LASP1: variants seen among roughly 807,000 people sequenced by gnomAD.
The protein encoded by LASP1 is LIM and SH3 protein 1, also known as LIM and SH3 domain protein 1.
In LASP1, 10 loss-of-function variants were observed where a neutral mutation model predicts 38.6. The ratio of observed to expected loss-of-function variants is 0.26; its 90% CI spans 0.16 to 0.44. LASP1 has a LOEUF of 0.44. Ranked by LOEUF, LASP1 falls within the 20% of genes least tolerant of loss-of-function variation. The probability of loss-of-function intolerance (pLI) is 1.00; values close to 1 mark genes in which losing one functional copy is unlikely to be tolerated. For synonymous variants in LASP1, 132 were observed against 140.8 expected (o/e 0.94, Z 0.44); for missense variants, 243 against 375.7 (o/e 0.65, Z 2.92).
At chr17:38,901,966 G>A (rs1222373286) in intron 4 of LASP1, among the ~76,000 whole-genome samples, 2 of 151,958 alleles carry the variant, frequency 1.3e-5, no homozygotes, top group Admixed American at 6.6e-5. Flanking sequence ...ATGGGGTTTC[G>A]CCGTGTTAGC....
At chr17:38,874,355 G>A (rs1913697335) in intron 1 of LASP1, among the ~76,000 whole-genome samples, 1 of 152,208 alleles carries the variant, frequency 6.6e-6, no homozygotes, top group Non-Finnish European at 1.5e-5. Context: ...TTCCCTGACA[G>A]TGTCCTTCCC....
chr17:38,894,186 A>C (rs1914422917), intron 3 of LASP1, among the ~76,000 whole-genome samples: 1 of 151,798 alleles, frequency 6.6e-6, no homozygotes, highest in South Asian at 2.1e-4. Flanking sequence ...TCCCACCCCC[A>C]GGCTGAGCAG....
intron 1 of LASP1, among the ~76,000 whole-genome samples, chr17:38,872,876 C>T (rs1913651773): frequency 6.6e-6 from 1 of 152,178 alleles, no homozygotes; most frequent in Non-Finnish European, 1.5e-5. Context: ...CACCCTGCCC[C>T]CAACCTGCAG....
chr17:38,915,036 C>G lies in LASP1; in HGVS notation c.509-7C>G, dbSNP rs758437366. On this transcript the variant is annotated splice_region_variant and splice_polypyrimidine_tract_variant and intron_variant, in intron 5 of 6. Transcript: ENST00000318008. Reference sequence around the variant, plus strand: ...GTTTCCAAGCCCTGTCTCCTCCCATCTTCCAGTTTACCAGCAGCCCCAGCA... The same window carrying G: ...GTTTCCAAGCCCTGTCTCCTCCCATGTTCCAGTTTACCAGCAGCCCCAGCA... The G allele has an allele frequency of 1.9e-6, 3 of 1,613,660 alleles. No individual in the cohort carries two copies. In the South Asian group the frequency reaches 3.3e-5, roughly 18 times the overall value.
chr17:38,918,567 G>A lies in LASP1; in HGVS notation c.613-38G>A. The A allele has an allele frequency of 1.3e-6, 2 of 1,535,934 alleles. No individual in the cohort carries two copies. The highest frequency in any genetic ancestry group is 1.8e-6 in the Non-Finnish European group (2 of 1,136,394). On this transcript the variant is annotated intron_variant, in intron 6 of 6. Transcript: ENST00000318008. This position sits in a 1 kb window ranked among gnomAD's most constrained non-coding sequence, Gnocchi z 4.4. ...AAAATGCTCAGACCCAGGTGAGCCGGCATGCAGGGCCCTAGGCTGACCACA... is the reference window on the plus strand; with the variant it reads ...AAAATGCTCAGACCCAGGTGAGCCGACATGCAGGGCCCTAGGCTGACCACA...
At chr17:38,904,898 T>C (rs1436130597) in intron 4 of LASP1, among the ~76,000 whole-genome samples, 1 of 152,238 alleles carries the variant, frequency 6.6e-6, no homozygotes, top group African/African-American at 2.4e-5. Flanking sequence ...GACAATCCTC[T>C]AGTTTGATTT....
At chr17:38,876,158 G>A (rs896215396) in intron 1 of LASP1, among the ~76,000 whole-genome samples, 16 of 150,940 alleles carry the variant, frequency 1.1e-4, no homozygotes, top group Admixed American at 8.6e-4. Context: ...GCCACGTGGA[G>A]CCTGTTAGAT....
intron 1 of LASP1, among the ~76,000 whole-genome samples, chr17:38,872,666 T>A (rs1913644858): frequency 6.6e-6 from 1 of 152,122 alleles, no homozygotes; most frequent in Non-Finnish European, 1.5e-5. Flanking sequence ...GTCCCATAGT[T>A]GCTAACCAAC....
At chr17:38,875,400 G>A (rs1913741106) in intron 1 of LASP1, among the ~76,000 whole-genome samples, 1 of 152,062 alleles carries the variant, frequency 6.6e-6, no homozygotes, top group East Asian at 1.9e-4. Context: ...GGACCAGTCT[G>A]TCTTAGTGTC....
chr17:38,872,226 A>G (rs1047395962), intron 1 of LASP1, among the ~76,000 whole-genome samples: 5 of 152,108 alleles, frequency 3.3e-5, no homozygotes, highest in African/African-American at 4.8e-5. Context: ...AAAGTCCCTG[A>G]GTGCTAAAGA....
At chr17:38,892,474 G>C (rs937167601) in intron 3 of LASP1, among the ~76,000 whole-genome samples, 1 of 152,310 alleles carries the variant, frequency 6.6e-6, no homozygotes, top group African/African-American at 2.4e-5. Context: ...CTGTGGAAGG[G>C]CCATGGGGGC....
At chr17:38,883,739 C>CTTTT (rs60761350) in intron 2 of LASP1, among the ~76,000 whole-genome samples, 6 of 128,338 alleles carry the variant, frequency 4.7e-5, no homozygotes, top group East Asian at 2.2e-4. Context: ...CAGGGGCAGG[C>CTTTT]TTTTTTTTTT....
At chr17:38,897,159 C>T in intron 3 of LASP1, 1 of 855,642 alleles carries the variant, frequency 1.2e-6, no homozygotes, top group Non-Finnish European at 1.4e-6. Context: ...CCAAGCCCTT[C>T]TTGTCTGGAT....
At chr17:38,907,175 T>C (rs1914797222) in intron 4 of LASP1, among the ~76,000 whole-genome samples, 3 of 152,270 alleles carry the variant, frequency 2.0e-5, no homozygotes, top group African/African-American at 7.2e-5. Flanking sequence ...GAGAGGAAGC[T>C]GAGGGTTTGG....
At chr17:38,885,712 G>A (rs1914103272) in intron 2 of LASP1, among the ~76,000 whole-genome samples, 1 of 152,234 alleles carries the variant, frequency 6.6e-6, no homozygotes, top group Non-Finnish European at 1.5e-5. Flanking sequence ...CACCAGCTGG[G>A]ACGGGTGGCC....
At chr17:38,870,624 C>G (rs1208067165) in intron 1 of LASP1, among the ~76,000 whole-genome samples, 1 of 152,016 alleles carries the variant, frequency 6.6e-6, no homozygotes, top group Admixed American at 6.5e-5. Context: ...CGCTCCCTCT[C>G]CGCTCTGCGC....
intron 4 of LASP1, among the ~76,000 whole-genome samples, chr17:38,902,275 G>T (rs1214105064): frequency 1.3e-5 from 2 of 150,818 alleles, no homozygotes; most frequent in African/African-American, 2.4e-5. Context: ...TGCCCAGGCT[G>T]GTCTCAAACT....
chr17:38,887,288 G>A (rs1180636261), intron 2 of LASP1, among the ~76,000 whole-genome samples: 1 of 152,198 alleles, frequency 6.6e-6, no homozygotes, highest in African/African-American at 2.4e-5. Context: ...CATACAGTCT[G>A]CAGAATGGCT....
At chr17:38,914,587 C>A in intron 5 of LASP1, 112 bp downstream of exon 5, 1 of 1,323,888 alleles carries the variant, frequency 7.6e-7, no homozygotes, top group Non-Finnish European at 1.0e-6. Context: ...TGCTCTTAAT[C>A]AACAGGCGAT....
Sources: gnomAD v4.1 joint callset for allele counts (sites outside exome capture counted in the v4.1 genomes callset) on GRCh38, gnomAD v4.1.1 for gene constraint, Gnocchi (gnomAD v3.1) non-coding constraint, MANE v1.5 for transcripts, NCBI Gene and HGNC (gene_info 2026-07-23, HGNC 2026-07-21) for gene names.